The following CFAP92 variants were observed in gnomAD, a reference collection of about 807,000 sequenced individuals.
CFAP92 encodes cilia and flagella associated protein 92 (putative).
CFAP92 carries 86 observed loss-of-function variants against 106.3 expected under a neutral mutation model. The ratio of observed to expected loss-of-function variants is 0.81; its 90% CI spans 0.68 to 0.97. The LOEUF (loss-of-function observed/expected upper bound fraction) is 0.97. CFAP92 is among the 50% of genes least tolerant of loss of function. The probability of loss-of-function intolerance (pLI) is 0.00; values close to 1 mark genes in which losing one functional copy is unlikely to be tolerated. For synonymous variants in CFAP92, 477 were observed against 506.4 expected, an observed-to-expected ratio of 0.94 and a Z score of 0.78; for missense variants, 1,204 against 1,283.8, an observed-to-expected ratio of 0.94 and a Z score of 0.95.
chr3:128,944,979 G>A, intron 10 of CFAP92, 92 bp downstream of exon 10: 1 of 1,132,642 alleles, frequency 8.8e-7, no homozygotes, highest in South Asian at 1.6e-5. Flanking sequence ...AGACAAGGAT[G>A]CTAAACCTAG....
At chr3:129,020,978 G>C in the CFAP92 span, among the ~76,000 whole-genome samples, 2 of 152,368 alleles carry the variant, frequency 1.3e-5, no homozygotes, top group East Asian at 1.9e-4. Flanking sequence ...CCTCATGAGA[G>C]CTGGGAGGGG....
At chr3:128,995,011 T>C (rs1489485478), upstream of CFAP92, among the ~76,000 whole-genome samples, 2 of 152,160 alleles carry the variant, frequency 1.3e-5, no homozygotes, top group Admixed American at 1.3e-4. Context: ...CAGGGCAGGT[T>C]AGGGCACAGG....
the CFAP92 span, among the ~76,000 whole-genome samples, chr3:129,009,310 A>G: frequency 6.6e-6 from 1 of 152,208 alleles, no homozygotes; most frequent in Non-Finnish European, 1.5e-5. Flanking sequence ...AGCTTCAGAC[A>G]TGGCTGGATT....
intron 9 of CFAP92, among the ~76,000 whole-genome samples, chr3:128,956,196 T>TAAAAA (rs577724635): frequency 8.1e-5 from 5 of 61,700 alleles, no homozygotes; most frequent in African/African-American, 2.8e-4. Flanking sequence ...AAAAAAAAAA[T>TAAAAA]AAAAAAAAAA....
At chr3:128,993,854 T>C in intron 1 of CFAP92, 126 bp downstream of exon 1, 1 of 697,240 alleles carries the variant, frequency 1.4e-6, no homozygotes. Context: ...CTCAGGCCCA[T>C]GGAGGCGGAA....
chr3:128,983,321 G>A (rs1461960358), intron 4 of CFAP92, among the ~76,000 whole-genome samples: 1 of 152,158 alleles, frequency 6.6e-6, no homozygotes, highest in East Asian at 1.9e-4. Flanking sequence ...TGCGAGCATT[G>A]AGCCTGTGAC....
chr3:128,926,939 C>G (rs1011381991), intron 12 of CFAP92, among the ~76,000 whole-genome samples: 1 of 151,950 alleles, frequency 6.6e-6, no homozygotes, highest in Non-Finnish European at 1.5e-5. Context: ...ACTAAAAATA[C>G]AAAAATTAGC....
upstream of CFAP92, among the ~76,000 whole-genome samples, chr3:128,995,718 A>G (rs116581222): frequency 0.012 from 1,814 of 152,338 alleles, 23 homozygotes; most frequent in African/African-American, 0.042. Context: ...GTCTTGGACC[A>G]AGGGCCAATG....
chr3:128,984,804 T>G (rs954293208), intron 4 of CFAP92, among the ~76,000 whole-genome samples: 5 of 152,232 alleles, frequency 3.3e-5, no homozygotes, highest in Non-Finnish European at 7.3e-5. Context: ...TAACAAGTTC[T>G]GGCATGTGAC....
At chr3:128,978,264 T>A in intron 4 of CFAP92, 79 bp from the exon 5 acceptor site, 1 of 1,500,526 alleles carries the variant, frequency 6.7e-7, no homozygotes, top group South Asian at 1.2e-5. Flanking sequence ...GGGCATTTCT[T>A]GGAGACACTG....
intron 9 of CFAP92, among the ~76,000 whole-genome samples, chr3:128,958,120 T>C (rs372552036): frequency 6.6e-6 from 1 of 152,216 alleles, no homozygotes; most frequent in South Asian, 2.1e-4. Flanking sequence ...TCATTTCAAC[T>C]TGACTACCTC....
At chr3:128,993,655 C>A (rs868689370) in intron 1 of CFAP92, 1 of 355,100 alleles carries the variant, frequency 2.8e-6, no homozygotes, top group Non-Finnish European at 5.4e-6. Context: ...CCGGGAGCCA[C>A]CAGGCGGGAG....
chr3:128,970,929 C>A (rs1942744410), intron 8 of CFAP92: 1 of 308,754 alleles, frequency 3.2e-6, no homozygotes, highest in Non-Finnish European at 6.0e-6. Flanking sequence ...ATTCCCTTTA[C>A]TAGATGTTTT....
chr3:128,942,176 G>A (rs62265306), intron 10 of CFAP92, among the ~76,000 whole-genome samples: 4,365 of 152,182 alleles, frequency 0.029, 105 homozygotes, highest in South Asian at 0.11. Flanking sequence ...CTGAAAATGA[G>A]TTCTACACTC....
At chr3:128,989,002 T>A in intron 2 of CFAP92, 84 bp from the exon 3 acceptor site, 3 of 1,079,348 alleles carry the variant, frequency 2.8e-6, no homozygotes, top group Non-Finnish European at 4.0e-6. Flanking sequence ...GAGCTTGATG[T>A]TGTGAGAGGC....
At chr3:128,912,407 G>A in intron 15 of CFAP92, 2 of 1,023,596 alleles carry the variant, frequency 2.0e-6, no homozygotes, top group Non-Finnish European at 3.0e-6. Flanking sequence ...CTGCTTCATG[G>A]TGGGTGGGCT....
intron 9 of CFAP92, among the ~76,000 whole-genome samples, chr3:128,961,106 G>T (rs568259307): frequency 7.9e-5 from 12 of 152,060 alleles, no homozygotes; most frequent in Non-Finnish European, 1.2e-4. Flanking sequence ...CTGCAATGCC[G>T]CTTGACCCCA....
chr3:128,983,101 G>A (rs912266154), intron 4 of CFAP92, among the ~76,000 whole-genome samples: 1 of 152,202 alleles, frequency 6.6e-6, no homozygotes, highest in African/African-American at 2.4e-5. Context: ...TCTCTGTGAA[G>A]CCCAATAAGG....
At chr3:128,993,592 AAC>A in intron 1 of CFAP92, 1 of 454,958 alleles carries the variant, frequency 2.2e-6, no homozygotes, top group Admixed American at 3.4e-5. Flanking sequence ...TCCTTCGCCT[AAC>A]CAGGAGTCAG....
Sources: gnomAD v4.1 joint callset for allele counts (sites outside exome capture counted in the v4.1 genomes callset) on GRCh38, gnomAD v4.1.1 for gene constraint, MANE v1.5 for transcripts, NCBI Gene and HGNC (gene_info 2026-07-23, HGNC 2026-07-21) for gene names.